Variants in C8orf74 observed in about 807,000 individuals in gnomAD.
C8orf74 encodes chromosome 8 open reading frame 74, also known as uncharacterized protein C8orf74.
Under a neutral mutation model 22.2 loss-of-function variants are expected in C8orf74, and 29 were observed. That is an observed-to-expected ratio of 1.31 (90% CI 0.97 to 1.78). The LOEUF (loss-of-function observed/expected upper bound fraction) is 1.78. Among genes scored for constraint, C8orf74 ranks in the 40% most tolerant of loss-of-function variants. C8orf74 has a pLI of 0.00. For missense variants in C8orf74, 515 were observed against 369.9 expected (o/e 1.39, Z -3.22); for synonymous variants, 255 against 163.1 (o/e 1.56, Z -4.30).
intron 2 of C8orf74, chr8:10,688,160 A>AC (rs1563160405): frequency 6.6e-6 from 1 of 150,712 alleles, no homozygotes; most frequent in Non-Finnish European, 1.5e-5. Context: ...AGCCAAGATC[A>AC]CGCCACTGCA....
At chr8:10,698,796 G>A (rs1292807328) in intron 3 of C8orf74, among the ~76,000 whole-genome samples, 3 of 152,086 alleles carry the variant, frequency 2.0e-5, no homozygotes, top group Non-Finnish European at 4.4e-5. Context: ...AGGCATTGGA[G>A]TGGGGGAGTT....
At chr8:10,695,842 C>G (rs561772534) in intron 2 of C8orf74, among the ~76,000 whole-genome samples, 1 of 152,152 alleles carries the variant, frequency 6.6e-6, no homozygotes, top group Non-Finnish European at 1.5e-5. Context: ...AAGCCCGGCT[C>G]CTTGCCTACA....
chr8:10,685,327 G>C (rs1186886550), intron 2 of C8orf74, among the ~76,000 whole-genome samples: 3 of 152,208 alleles, frequency 2.0e-5, no homozygotes, highest in Admixed American at 1.3e-4. Context: ...GGAGACTTGG[G>C]GAGGTGTTTG....
intron 2 of C8orf74, among the ~76,000 whole-genome samples, chr8:10,684,797 A>G (rs1307408970): frequency 6.6e-6 from 1 of 152,232 alleles, no homozygotes; most frequent in Non-Finnish European, 1.5e-5. Context: ...CACTGAAAGG[A>G]AGCACTTGGT....
chr8:10,700,445 G>A lies in C8orf74; in HGVS notation c.859G>A (p.Gly287Arg), dbSNP rs1799632919. The A allele has an allele frequency of 6.3e-7, 1 of 1,585,932 alleles. No homozygotes were observed. Among genetic ancestry groups the A allele is most frequent in the African/African-American group, 1.4e-5 (1 of 72,722 alleles). Residue 287 changes from glycine (G) to arginine (R), a missense_variant, in exon 4 of 4, where the codon GGA becomes AGA. Coordinates refer to ENST00000304519, the MANE Select transcript of C8orf74 (RefSeq NM_001040032.2). ...CCTGAAGCCCCAAAGAGCGAGCAAAGGAAAGAAAGCGAAGGCAAGGAAGTA... is the reference window on the plus strand; with the variant it reads ...CCTGAAGCCCCAAAGAGCGAGCAAAAGAAAGAAAGCGAAGGCAAGGAAGTA... ...EALKPQRASK[G>R]KKAKARK
chr8:10,685,068 C>G (rs2129057301), intron 2 of C8orf74, among the ~76,000 whole-genome samples: 1 of 152,338 alleles, frequency 6.6e-6, no homozygotes. Context: ...GGTGCAACAT[C>G]TAAAACTTAT....
chr8:10,676,901 C>T (rs1799044322), intron 2 of C8orf74, among the ~76,000 whole-genome samples: 1 of 152,230 alleles, frequency 6.6e-6, no homozygotes. Flanking sequence ...GGGAAGCGAA[C>T]TCTTTCAAGT....
intron 2 of C8orf74, among the ~76,000 whole-genome samples, chr8:10,677,936 C>T (rs982705822): frequency 2.6e-5 from 4 of 152,184 alleles, no homozygotes; most frequent in Admixed American, 2.0e-4. Context: ...TCACAGTCAC[C>T]CCCACGGATA....
intron 2 of C8orf74, chr8:10,692,060 G>C (rs1799393163): frequency 6.6e-6 from 1 of 152,496 alleles, no homozygotes; most frequent in African/African-American, 2.4e-5. Context: ...GGCATGTGCA[G>C]ACGCCCTGGC....
At chr8:10,694,605 G>C (rs933715906) in intron 2 of C8orf74, among the ~76,000 whole-genome samples, 4 of 152,232 alleles carry the variant, frequency 2.6e-5, no homozygotes, top group Admixed American at 1.3e-4. Context: ...GGCAAACATA[G>C]AGTAGCTACC....
At chr8:10,690,692 G>A (rs1026848368) in intron 2 of C8orf74, among the ~76,000 whole-genome samples, 2 of 152,088 alleles carry the variant, frequency 1.3e-5, no homozygotes, top group South Asian at 2.1e-4. Context: ...ATCTCCCCCC[G>A]GCTCGCCCAG....
rs199553361 is a variant in C8orf74, at chr8:10,698,021, C to G, written c.648+16C>G. ...GGAGAGACAGGTGAGGCTCTGCCCC[C>G]CTGCCGTGGGTGGGCACCTGGGCCT... On this transcript the variant is annotated intron_variant, in intron 3 of 3. Transcript: ENST00000304519. 1.5e-5 allele frequency: 22 copies of G among 1,452,464 alleles called. No homozygotes were observed. The highest frequency in any genetic ancestry group is 1.3e-4 in the African/African-American group (9 of 70,816). 90.0% of individuals were successfully genotyped at this position (1,452,464 alleles called of 1,614,324 possible). A position where few individuals can be genotyped will look rare whatever the true frequency, so the allele number is the denominator to read the frequency against.
At chr8:10,677,846 G>C (rs907485120) in intron 2 of C8orf74, among the ~76,000 whole-genome samples, 1 of 152,156 alleles carries the variant, frequency 6.6e-6, no homozygotes, top group Non-Finnish European at 1.5e-5. Context: ...TTGGCATCAG[G>C]CTGGCAGTCC....
intron 2 of C8orf74, among the ~76,000 whole-genome samples, chr8:10,676,863 G>A (rs1280476659): frequency 1.3e-5 from 2 of 152,110 alleles, no homozygotes; most frequent in African/African-American, 4.8e-5. Context: ...CTGACAACCA[G>A]GAAGAGGAAT....
At chr8:10,678,617 C>G (rs944194885) in intron 2 of C8orf74, among the ~76,000 whole-genome samples, 1 of 148,642 alleles carries the variant, frequency 6.7e-6, no homozygotes, top group Non-Finnish European at 1.5e-5. Context: ...AAAAAGCAAA[C>G]TGCAGATTTG....
intron 2 of C8orf74, among the ~76,000 whole-genome samples, chr8:10,683,982 G>A (rs1205661532): frequency 6.6e-6 from 1 of 152,170 alleles, no homozygotes; most frequent in Non-Finnish European, 1.5e-5. Context: ...CCAAATCCCT[G>A]CGTGCTAAGG....
chr8:10,685,316 T>C (rs568393436), intron 2 of C8orf74, among the ~76,000 whole-genome samples: 11 of 152,242 alleles, frequency 7.2e-5, no homozygotes, highest in African/African-American at 2.6e-4. Flanking sequence ...GAATTGAAAG[T>C]GGAGACTTGG....
At chr8:10,674,902 T>A in intron 2 of C8orf74, 64 bp downstream of exon 2, 1 of 1,345,832 alleles carries the variant, frequency 7.4e-7, no homozygotes, top group Non-Finnish European at 1.0e-6. Flanking sequence ...CACATAGAAC[T>A]CCCCTGCCGT....
chr8:10,682,067 C>T (rs1286021254), intron 2 of C8orf74, among the ~76,000 whole-genome samples: 2 of 152,208 alleles, frequency 1.3e-5, no homozygotes, highest in Non-Finnish European at 2.9e-5. Flanking sequence ...TGAAGTACCC[C>T]GCCCTCACAT....
Sources: allele counts gnomAD v4.1 joint callset (sites outside exome capture counted in the v4.1 genomes callset), GRCh38; gene constraint gnomAD v4.1.1; transcripts MANE v1.5; gene names NCBI Gene and HGNC (gene_info 2026-07-23, HGNC 2026-07-21).